Variants in GLIS1 observed in about 807,000 individuals in gnomAD.
GLIS1 encodes zinc finger protein GLIS1.
Under a neutral mutation model 63.8 loss-of-function variants are expected in GLIS1, and 24 were observed. That is an observed-to-expected ratio of 0.38 (90% CI 0.27 to 0.53). The LOEUF is 0.53. GLIS1 is among the 20% of genes least tolerant of loss of function. The pLI, the probability that GLIS1 is intolerant of heterozygous loss-of-function variation, is 0.85. For missense variants in GLIS1, 1,036 were observed against 1,074.1 expected (o/e 0.96, Z 0.50); for synonymous variants, 450 against 482.5 (o/e 0.93, Z 0.88).
intron 5 of GLIS1, among the ~76,000 whole-genome samples, chr1:53,525,837 C>A (rs543135481): frequency 6.6e-6 from 1 of 152,276 alleles, no homozygotes; most frequent in East Asian, 1.9e-4. Flanking sequence ...GCATCCTCCA[C>A]CTCCTCCCCG....
chr1:53,560,338 G>T lies in GLIS1; in HGVS notation c.1321-30386C>A, dbSNP rs1394993275. ...CCTAGGGGTTGCTGGGCCTGCCCCT[G>T]CCCAGCAACTGAGTGCCCAACCCAG... On this transcript the variant is annotated intron_variant, in intron 4 of 10. Transcript: ENST00000628545. This position sits in a 1 kb window ranked among gnomAD's most constrained non-coding sequence, Gnocchi z 4.4. Among the ~76,000 whole-genome samples the T allele has an allele frequency of 6.6e-6, 1 of 152,176 alleles. No homozygotes were observed. Among genetic ancestry groups the T allele is most frequent in the Non-Finnish European group, 1.5e-5 (1 of 68,024 alleles).
intron 2 of GLIS1, among the ~76,000 whole-genome samples, chr1:53,619,359 T>G (rs1046145302): frequency 4.6e-5 from 7 of 152,230 alleles, no homozygotes; most frequent in African/African-American, 1.7e-4. Context: ...CTTATCCTTC[T>G]TTAGTGGGGC....
At chr1:53,709,349 CAT>C (rs138836172) in intron 2 of GLIS1, among the ~76,000 whole-genome samples, 21,636 of 134,826 alleles carry the variant, frequency 0.16, 1,885 homozygotes, top group Non-Finnish European at 0.18. Context: ...TACATATATA[CAT>C]ATATATACAT....
At chr1:53,573,118 C>T (rs1644998939) in intron 4 of GLIS1, among the ~76,000 whole-genome samples, 2 of 152,112 alleles carry the variant, frequency 1.3e-5, no homozygotes, top group African/African-American at 2.4e-5. Context: ...TGTCTGTGTC[C>T]CAGGGTCCAA....
intron 2 of GLIS1, among the ~76,000 whole-genome samples, chr1:53,644,742 G>C (rs1364910773): frequency 6.6e-6 from 1 of 152,146 alleles, no homozygotes; most frequent in Non-Finnish European, 1.5e-5. Flanking sequence ...CGGTGCATTT[G>C]GGGGGCCCCG....
intron 2 of GLIS1, among the ~76,000 whole-genome samples, chr1:53,719,560 A>G (rs1646732657): frequency 6.6e-6 from 1 of 152,164 alleles, no homozygotes; most frequent in Non-Finnish European, 1.5e-5. Context: ...ACTCAGCCAG[A>G]CCCACAATGC....
At position 53,622,427 on chromosome 1, in the gene GLIS1, C is replaced by CAAAAAA. The variant is rs60923620; in HGVS notation, c.260-22155_260-22150dup. Among the ~76,000 whole-genome samples, 229 of 132,232 alleles carry CAAAAAA rather than the reference C, an allele frequency of 1.7e-3. 2 individuals are homozygous for CAAAAAA. The highest frequency in any genetic ancestry group is 2.5e-3 in the Admixed American group (33 of 13,396). The allele number at this position is 132,232 out of a possible 152,430, so 86.7% of individuals were successfully genotyped here. A position where few individuals can be genotyped will look rare whatever the true frequency, so the allele number is the denominator to read the frequency against. On this transcript the variant is annotated intron_variant, in intron 2 of 10. Transcript: ENST00000628545. ...TGGACAACAGAGCTAGACTATGTCT[C>CAAAAAA]AAAAAAAAAAAAAAAAAAAAAAAGA... is the stretch of plus-strand genomic sequence containing the variant.
At chr1:53,634,745 C>T (rs1418172005) in intron 2 of GLIS1, among the ~76,000 whole-genome samples, 1 of 152,166 alleles carries the variant, frequency 6.6e-6, no homozygotes, top group Non-Finnish European at 1.5e-5. Flanking sequence ...CAAGCACCTG[C>T]GAGGCCACCT....
At position 53,560,194 on chromosome 1, in the gene GLIS1, G is replaced by C. The variant is rs1254427682; in HGVS notation, c.1321-30242C>G. 6.6e-6 allele frequency among the ~76,000 whole-genome samples: 1 copy of C among 152,246 alleles called. No homozygotes were observed. The highest frequency in any genetic ancestry group is 6.5e-5 in the Admixed American group (1 of 15,290). On this transcript the variant is annotated intron_variant, in intron 4 of 10. Coordinates refer to ENST00000628545, the MANE Select transcript of GLIS1 (RefSeq NM_001367484.1). This position sits in a 1 kb window ranked among gnomAD's most constrained non-coding sequence, Gnocchi z 4.4. The stretch of plus-strand genomic sequence containing the variant: ...ACAGAAATGAATCCAATACGAAGCT[G>C]GAGTGGCCTGTAGAGCTCACCAGCG...
chr1:53,532,426 T>C (rs1644540919), intron 4 of GLIS1, among the ~76,000 whole-genome samples: 1 of 152,166 alleles, frequency 6.6e-6, no homozygotes, highest in African/African-American at 2.4e-5. Context: ...CAGTCACAAC[T>C]TGGGGCCGTG....
chr1:53,686,405 A>G (rs1646337698), intron 2 of GLIS1, among the ~76,000 whole-genome samples: 2 of 152,184 alleles, frequency 1.3e-5, no homozygotes, highest in South Asian at 4.1e-4. Context: ...CTTTGTTCTC[A>G]TCCGCAGTGC....
At chr1:53,515,448 T>C (rs1199273659) in intron 7 of GLIS1, among the ~76,000 whole-genome samples, 1 of 151,966 alleles carries the variant, frequency 6.6e-6, no homozygotes, top group Non-Finnish European at 1.5e-5. Context: ...AGGGCTGCCA[T>C]GGATGGTTGC....
At chr1:53,655,634 C>T (rs76402321) in intron 2 of GLIS1, among the ~76,000 whole-genome samples, 626 of 152,344 alleles carry the variant, frequency 4.1e-3, no homozygotes, top group African/African-American at 0.014. Context: ...TCCCCCACCC[C>T]ACAGACGTTC....
chr1:53,548,767 T>C (rs1018414947), intron 4 of GLIS1, among the ~76,000 whole-genome samples: 1 of 152,252 alleles, frequency 6.6e-6, no homozygotes, highest in African/African-American at 2.4e-5. Context: ...TATTTTTTTA[T>C]AGCTCTGTTG....
chr1:53,603,716 G>C (rs1026758775), intron 2 of GLIS1, among the ~76,000 whole-genome samples: 1 of 152,244 alleles, frequency 6.6e-6, no homozygotes, highest in Admixed American at 6.5e-5. Flanking sequence ...GTTGGCACCC[G>C]CAACCATGTC....
intron 2 of GLIS1, among the ~76,000 whole-genome samples, chr1:53,693,068 G>A (rs1289801735): frequency 2.0e-5 from 3 of 152,174 alleles, no homozygotes; most frequent in East Asian, 1.9e-4. Context: ...GTGCTTCGTC[G>A]AGACCTCGTA....
At chr1:53,654,700 A>G (rs531331708) in intron 2 of GLIS1, among the ~76,000 whole-genome samples, 6 of 152,254 alleles carry the variant, frequency 3.9e-5, no homozygotes, top group Admixed American at 2.0e-4. Flanking sequence ...AGCCCTGGCA[A>G]ATGCACTGAG....
chr1:53,698,786 C>T (rs1646493121), intron 2 of GLIS1, among the ~76,000 whole-genome samples: 1 of 152,218 alleles, frequency 6.6e-6, no homozygotes, highest in South Asian at 2.1e-4. Context: ...AACTCAGCCA[C>T]TTCCACAAGC....
At chr1:53,518,571 C>T (rs1644375382) in intron 7 of GLIS1, among the ~76,000 whole-genome samples, 1 of 152,222 alleles carries the variant, frequency 6.6e-6, no homozygotes, top group Non-Finnish European at 1.5e-5. Context: ...TTTGTTCTCA[C>T]AGCAGATGAG....
Sources: allele counts gnomAD v4.1 joint callset (sites outside exome capture counted in the v4.1 genomes callset), GRCh38; gene constraint gnomAD v4.1.1; non-coding constraint Gnocchi (gnomAD v3.1); transcripts MANE v1.5; gene names NCBI Gene and HGNC (gene_info 2026-07-23, HGNC 2026-07-21).